The following NRXN1 variants were observed in gnomAD, a reference collection of about 807,000 sequenced individuals.
The protein encoded by NRXN1 is neurexin 1.
Under a neutral mutation model 150.9 loss-of-function variants are expected in NRXN1, and 39 were observed. That is an observed-to-expected ratio of 0.26 (90% CI 0.20 to 0.34). The LOEUF (loss-of-function observed/expected upper bound fraction) is 0.34, where lower values mean the gene tolerates loss of function less well. Ranked by LOEUF, NRXN1 falls within the 10% of genes least tolerant of loss-of-function variation. The pLI, the probability that NRXN1 is intolerant of heterozygous loss-of-function variation, is 1.00. For synonymous variants in NRXN1, 924 were observed against 757.0 expected (o/e 1.22, Z -3.62); for missense variants, 1,815 against 1,949.9 (o/e 0.93, Z 1.30).
intron 8 of NRXN1, among the ~76,000 whole-genome samples, chr2:50,559,159 C>T (rs1668685913): frequency 6.6e-6 from 1 of 152,244 alleles, no homozygotes; most frequent in South Asian, 2.1e-4. Flanking sequence ...ATCATTTTCA[C>T]CTAGCTGTTA....
At chr2:50,653,376 G>A (rs982541883) in intron 5 of NRXN1, among the ~76,000 whole-genome samples, 4 of 151,966 alleles carry the variant, frequency 2.6e-5, no homozygotes, top group Non-Finnish European at 4.4e-5. Flanking sequence ...TTATATAGTC[G>A]TATTTGGCAG....
chr2:50,925,043 T>C (rs933693890), intron 3 of NRXN1, among the ~76,000 whole-genome samples: 43 of 151,846 alleles, frequency 2.8e-4, no homozygotes, highest in African/African-American at 8.2e-4. Context: ...TATACAAATA[T>C]TAGTAAATTA....
chr2:49,926,453 T>TA, intron 22 of NRXN1: 1 of 398,086 alleles, frequency 2.5e-6, no homozygotes, highest in Non-Finnish European at 4.4e-6. Context: ...TGTATTGTGG[T>TA]AACTTCGGTA....
intron 18 of NRXN1, among the ~76,000 whole-genome samples, chr2:50,181,576 T>C (rs2060716844): frequency 6.6e-6 from 1 of 152,096 alleles, no homozygotes; most frequent in Non-Finnish European, 1.5e-5. Context: ...GCCTTTCCAA[T>C]AGGGGAAAAT....
At chr2:50,701,236 T>C (rs1693700233) in intron 5 of NRXN1, among the ~76,000 whole-genome samples, 1 of 152,166 alleles carries the variant, frequency 6.6e-6, no homozygotes, top group East Asian at 1.9e-4. Flanking sequence ...TCTCATCATC[T>C]CTGTCTCTTA....
In NRXN1 at chr2:50,026,859, C is replaced by CTTTTTTT. The variant is rs57580154; in HGVS notation, c.4128+26405_4128+26411dup. 8.0e-3 allele frequency among the ~76,000 whole-genome samples: 523 copies of CTTTTTTT among 65,240 alleles called. 145 individuals carry two copies. The highest frequency in any genetic ancestry group is 0.012 in the African/African-American group (185 of 15,536). The allele number at this position is 65,240 out of a possible 152,430, so 42.8% of individuals were successfully genotyped here. ...TTGCATTGTTTAAGTCTTTTCTTTT[C>CTTTTTTT]TTTTTTTTTTTTTTTTTTTTTTTTT... On this transcript the variant is annotated intron_variant, in intron 21 of 22. Transcript: ENST00000401669.
chr2:50,170,995 C>G (rs576583735), intron 18 of NRXN1, among the ~76,000 whole-genome samples: 5 of 152,070 alleles, frequency 3.3e-5, no homozygotes, highest in African/African-American at 4.8e-5. Context: ...TGCATTCTTA[C>G]AATAAAGTAA....
intron 21 of NRXN1, among the ~76,000 whole-genome samples, chr2:50,034,014 A>G (rs1005336418): frequency 6.6e-6 from 1 of 151,936 alleles, no homozygotes; most frequent in South Asian, 2.1e-4. Context: ...GAGGTTGCAA[A>G]CAGAAGAGAA....
intron 5 of NRXN1, among the ~76,000 whole-genome samples, chr2:50,729,100 T>C (rs1014061214): frequency 2.0e-5 from 3 of 152,218 alleles, no homozygotes; most frequent in Non-Finnish European, 4.4e-5. Flanking sequence ...TAAAATATAA[T>C]GATTTATAAC....
At chr2:50,182,398 A>C (rs1157154683) in intron 18 of NRXN1, among the ~76,000 whole-genome samples, 1 of 152,060 alleles carries the variant, frequency 6.6e-6, no homozygotes, top group Non-Finnish European at 1.5e-5. Flanking sequence ...GGTAAAGCTG[A>C]ATGGCTCCCA....
intron 18 of NRXN1, among the ~76,000 whole-genome samples, chr2:50,118,604 AAG>A (rs1181246848): frequency 6.6e-6 from 1 of 152,164 alleles, no homozygotes; most frequent in Non-Finnish European, 1.5e-5. Context: ...CTCAACAAAA[AAG>A]AGAGTGTGGC....
intron 15 of NRXN1, among the ~76,000 whole-genome samples, chr2:50,487,930 G>C (rs568603071): frequency 4.6e-5 from 7 of 152,104 alleles, no homozygotes; most frequent in African/African-American, 1.7e-4. Context: ...TCTGACTATT[G>C]CTTGGCTTTG....
At chr2:50,445,593 T>C (rs1294703817) in intron 17 of NRXN1, among the ~76,000 whole-genome samples, 1 of 152,186 alleles carries the variant, frequency 6.6e-6, no homozygotes, top group Non-Finnish European at 1.5e-5. Flanking sequence ...AAGGACTTCT[T>C]GTTTGCTTAT....
chr2:50,563,531 G>A (rs1669422815), intron 8 of NRXN1, among the ~76,000 whole-genome samples: 1 of 152,140 alleles, frequency 6.6e-6, no homozygotes, highest in Non-Finnish European at 1.5e-5. Context: ...TAAATGAGAT[G>A]AATTATTCTC....
At chr2:50,666,033 C>T (rs920030966) in intron 5 of NRXN1, among the ~76,000 whole-genome samples, 6 of 151,822 alleles carry the variant, frequency 4.0e-5, no homozygotes, top group African/African-American at 1.5e-4. Flanking sequence ...TTTTTCGAGC[C>T]TCTTTGTAAC....
chr2:50,252,796 G>T (rs557294432), intron 17 of NRXN1, among the ~76,000 whole-genome samples: 11 of 152,068 alleles, frequency 7.2e-5, no homozygotes, highest in African/African-American at 2.4e-4. Flanking sequence ...TGTGTGCCAT[G>T]CTGTTTGGTT....
intron 18 of NRXN1, among the ~76,000 whole-genome samples, chr2:50,201,798 A>C (rs1171347183): frequency 6.6e-6 from 1 of 152,196 alleles, no homozygotes; most frequent in African/African-American, 2.4e-5. Context: ...GACCCTGGCT[A>C]TAGACAGCCA....
chr2:50,961,910 G>A (rs1416272671), intron 2 of NRXN1, among the ~76,000 whole-genome samples: 3 of 150,744 alleles, frequency 2.0e-5, no homozygotes, highest in Admixed American at 1.3e-4. Flanking sequence ...AAATCTAGAC[G>A]CTTTTCTATT....
At chr2:50,221,962 T>C (rs536445042) in intron 18 of NRXN1, among the ~76,000 whole-genome samples, 1 of 152,132 alleles carries the variant, frequency 6.6e-6, no homozygotes, top group Admixed American at 6.6e-5. Flanking sequence ...TTGACAGTAT[T>C]AATACATTTA....
Sources: gnomAD v4.1 joint callset for allele counts (sites outside exome capture counted in the v4.1 genomes callset) on GRCh38, gnomAD v4.1.1 for gene constraint, MANE v1.5 for transcripts, NCBI Gene and HGNC (gene_info 2026-07-23, HGNC 2026-07-21) for gene names.